Variants in LGR6 observed in about 807,000 individuals in gnomAD.
LGR6 encodes leucine rich repeat containing G protein-coupled receptor 6.
LGR6 carries 45 observed loss-of-function variants against 69.4 expected under a neutral mutation model. The observed-to-expected ratio is 0.65, with a 90% confidence interval of 0.51 to 0.83. LGR6 has a LOEUF of 0.83. LGR6 is among the 40% of genes least tolerant of loss of function. The pLI is 0.00. For missense variants in LGR6, 1,108 were observed against 1,246.7 expected (o/e 0.89, Z 1.68); for synonymous variants, 538 against 555.0 (o/e 0.97, Z 0.43).
chr1:202,226,822 GGAA>G (rs1660591039), intron 2 of LGR6, among the ~76,000 whole-genome samples: 1 of 152,320 alleles, frequency 6.6e-6, no homozygotes, highest in South Asian at 2.1e-4. Flanking sequence ...CCTTCCTGGA[GGAA>G]GAAGATTAAA....
At chr1:202,225,218 G>A in intron 1 of LGR6, 2 of 520,120 alleles carry the variant, frequency 3.8e-6, no homozygotes, top group Non-Finnish European at 3.5e-6. Flanking sequence ...ATCACCAAAT[G>A]ACCCGGGAGG....
intron 6 of LGR6, among the ~76,000 whole-genome samples, chr1:202,285,658 C>T (rs774771096): frequency 1.3e-5 from 2 of 152,082 alleles, no homozygotes; most frequent in African/African-American, 4.8e-5. Flanking sequence ...CTAAGGTGGC[C>T]GGGAGGATGT....
rs140025405 is a variant in LGR6, at chr1:202,268,315, T to G, written c.429-7991T>G. On this transcript the variant is annotated intron_variant, in intron 4 of 17. Transcript: ENST00000367278. The surrounding 1 kb of genome is among the most constrained non-coding windows in gnomAD (Gnocchi z 4.4). The stretch of plus-strand genomic sequence containing the variant: ...AGGCCCAAGGGCATCTCCTCACTGC[T>G]CGGCAGGTGCCAGCCTGCTCCCTGC... Among the ~76,000 whole-genome samples, 1,914 of 152,266 alleles carry G rather than the reference T, an allele frequency of 0.013. 14 individuals carry two copies. Among genetic ancestry groups the G allele is most frequent in the Non-Finnish European group, 0.018 (1,234 of 68,010 alleles).
At chr1:202,309,757 G>A (rs1458526599) in intron 15 of LGR6, among the ~76,000 whole-genome samples, 2 of 152,246 alleles carry the variant, frequency 1.3e-5, no homozygotes, top group Non-Finnish European at 2.9e-5. Flanking sequence ...GGGAGGGATA[G>A]GGTGCAGGTC....
At chr1:202,216,265 C>A (rs1328512135) in intron 1 of LGR6, among the ~76,000 whole-genome samples, 1 of 152,186 alleles carries the variant, frequency 6.6e-6, no homozygotes, top group Non-Finnish European at 1.5e-5. Context: ...GGTTACTTAC[C>A]ATGTGCTAGG....
chr1:202,302,246 G>A (rs530199967), intron 9 of LGR6, among the ~76,000 whole-genome samples: 10 of 152,176 alleles, frequency 6.6e-5, no homozygotes, highest in East Asian at 1.9e-4. Flanking sequence ...TAACTTTCAC[G>A]TTCATTACGG....
At chr1:202,220,665 C>G (rs1192782022) in intron 1 of LGR6, among the ~76,000 whole-genome samples, 1 of 152,178 alleles carries the variant, frequency 6.6e-6, no homozygotes, top group African/African-American at 2.4e-5. Context: ...AGGTGCTGTG[C>G]TACATGCATG....
chr1:202,285,375 C>T (rs1666320977), intron 6 of LGR6, among the ~76,000 whole-genome samples: 1 of 152,148 alleles, frequency 6.6e-6, no homozygotes, highest in African/African-American at 2.4e-5. Context: ...CAGGGTTCTT[C>T]CCAGGGTAGA....
chr1:202,206,889 TTTTA>T (rs139647235), intron 1 of LGR6, among the ~76,000 whole-genome samples: 33,724 of 140,798 alleles, frequency 0.24, 4,195 homozygotes, highest in African/African-American at 0.27. Flanking sequence ...CTGCAAATTA[TTTTA>T]TTTATTTATT....
chr1:202,262,809 G>A (rs1023728418), intron 4 of LGR6, among the ~76,000 whole-genome samples: 1 of 151,936 alleles, frequency 6.6e-6, no homozygotes, highest in African/African-American at 2.4e-5. Context: ...GTTTTTTGCT[G>A]GGCCAGGTCT....
At chr1:202,317,866 T>A in intron 17 of LGR6, 86 bp from the exon 18 acceptor site, 1 of 1,319,706 alleles carries the variant, frequency 7.6e-7, no homozygotes, top group Non-Finnish European at 1.0e-6. Flanking sequence ...GATTGGAAAT[T>A]CTCTGAATAC....
intron 4 of LGR6, among the ~76,000 whole-genome samples, chr1:202,271,715 G>A (rs1467033516): frequency 6.7e-6 from 1 of 148,746 alleles, no homozygotes; most frequent in Non-Finnish European, 1.5e-5. Context: ...GGCTGAGGGA[G>A]AAGAATCGCT....
chr1:202,199,381 T>G, intron 1 of LGR6, among the ~76,000 whole-genome samples: 2 of 148,714 alleles, frequency 1.3e-5, no homozygotes, highest in South Asian at 2.2e-4. Context: ...ACCCGGGGGG[T>G]CGCCGGAGGT....
intron 1 of LGR6, among the ~76,000 whole-genome samples, chr1:202,201,887 G>A (rs182746527): frequency 1.4e-4 from 21 of 152,302 alleles, no homozygotes; most frequent in Admixed American, 9.8e-4. Context: ...TATCATCAGC[G>A]TTGATGTTGA....
chr1:202,194,067 C>T lies in LGR6; in HGVS notation c.78C>T (p.Pro26=), dbSNP rs150296775. Residue 26 remains proline, a synonymous_variant, in exon 1 of 18, where the codon CCC becomes CCT. Transcript: ENST00000367278. ...CTTCCCGGAGGGCCGGCGGCGCCCCCCAGCCCGGCCCGGGGCCCACCGCCT... is the reference window on the plus strand; with the variant it reads ...CTTCCCGGAGGGCCGGCGGCGCCCCTCAGCCCGGCCCGGGGCCCACCGCCT... ...LCASRRAGGA[P]QPGPGPTACP... The T allele has an allele frequency of 6.7e-4, 961 of 1,442,386 alleles. 7 individuals carry two copies. In the African/African-American group the frequency reaches 0.013, roughly 19 times the overall value. The allele number at this position is 1,442,386 out of a possible 1,614,324, so 89.3% of individuals were successfully genotyped here.
At chr1:202,245,903 C>T (rs988429122) in intron 4 of LGR6, among the ~76,000 whole-genome samples, 2 of 152,008 alleles carry the variant, frequency 1.3e-5, no homozygotes, top group Non-Finnish European at 2.9e-5. Context: ...TGTCTCTGTC[C>T]ATCCATCCAT....
chr1:202,285,308 A>G (rs1368447660), intron 6 of LGR6, among the ~76,000 whole-genome samples: 1 of 152,194 alleles, frequency 6.6e-6, no homozygotes, highest in Admixed American at 6.5e-5. Context: ...CCCTGATGTC[A>G]GCCTTTGGCC....
At chr1:202,256,352 T>G (rs902591373) in intron 4 of LGR6, among the ~76,000 whole-genome samples, 6 of 152,176 alleles carry the variant, frequency 3.9e-5, no homozygotes, top group Non-Finnish European at 8.8e-5. Flanking sequence ...CAAGCGATTC[T>G]CCCGCCTCAG....
rs1307464524 is a variant in LGR6 at position 202,304,636 on chromosome 1, T to C, written c.1070+6T>C. 6.2e-7 allele frequency: 1 copy of C among 1,604,494 alleles called. No individual in the cohort carries two copies. The highest frequency in any genetic ancestry group is 8.5e-7 in the Non-Finnish European group (1 of 1,172,608). On this transcript the variant is annotated splice_donor_region_variant and intron_variant, in intron 11 of 17. Coordinates refer to ENST00000367278, the MANE Select transcript of LGR6 (RefSeq NM_001017403.2). ...CTGCCCAGGCTCCGAGTCCTGTGAGTGCTCACAAGAATTCTACAGTCTTGG... is the reference window on the plus strand; with the variant it reads ...CTGCCCAGGCTCCGAGTCCTGTGAGCGCTCACAAGAATTCTACAGTCTTGG...
Sources: allele counts gnomAD v4.1 joint callset (sites outside exome capture counted in the v4.1 genomes callset), GRCh38; gene constraint gnomAD v4.1.1; non-coding constraint Gnocchi (gnomAD v3.1); transcripts MANE v1.5; gene names NCBI Gene and HGNC (gene_info 2026-07-23, HGNC 2026-07-21).